The following TRHDE variants were observed in gnomAD, a reference collection of about 807,000 sequenced individuals.
TRHDE encodes the protein thyrotropin releasing hormone degrading enzyme.
A neutral mutation model predicts 125.7 loss-of-function variants in TRHDE; 72 were observed. That is an observed-to-expected ratio of 0.57 (90% CI 0.47 to 0.70). The LOEUF is 0.70. Ranked by LOEUF, TRHDE falls within the 30% of genes least tolerant of loss-of-function variation. The pLI is 0.00. For synonymous variants in TRHDE, 509 were observed against 509.1 expected, an observed-to-expected ratio of 1.00 and a Z score of 0.00; for missense variants, 1,110 against 1,327.1, an observed-to-expected ratio of 0.84 and a Z score of 2.54.
intron 12 of TRHDE, among the ~76,000 whole-genome samples, chr12:72,580,579 T>C (rs1871179505): frequency 6.6e-6 from 1 of 152,158 alleles, no homozygotes; most frequent in South Asian, 2.1e-4. Flanking sequence ...GTAGCTGGGA[T>C]TACAGGCACC....
chr12:72,233,762 GATAA>G (rs1878290671), intron 2 of TRHDE, among the ~76,000 whole-genome samples: 2 of 152,122 alleles, frequency 1.3e-5, no homozygotes, highest in Non-Finnish European at 2.9e-5. Flanking sequence ...GCAGCCTCTA[GATAA>G]ATAAAAACTC....
At chr12:72,610,517 A>T (rs1453013263) in intron 12 of TRHDE, among the ~76,000 whole-genome samples, 8 of 152,132 alleles carry the variant, frequency 5.3e-5, no homozygotes, top group Non-Finnish European at 4.4e-5. Context: ...CCCAGCTCAA[A>T]AACTTGCGGT....
chr12:72,231,793 A>G (rs1878251527), intron 2 of TRHDE, among the ~76,000 whole-genome samples: 1 of 152,122 alleles, frequency 6.6e-6, no homozygotes, highest in East Asian at 1.9e-4. Context: ...GGACAACTGG[A>G]GTTAGGCTAT....
chr12:72,371,013 G>A (rs1445632764), intron 2 of TRHDE, among the ~76,000 whole-genome samples: 1 of 152,086 alleles, frequency 6.6e-6, no homozygotes. Context: ...CCAAATTGCT[G>A]GGATTACAGG....
At chr12:72,303,083 G>C (rs1478527232) in intron 2 of TRHDE, 2 of 152,120 alleles carry the variant, frequency 1.3e-5, no homozygotes, top group Non-Finnish European at 2.9e-5. Flanking sequence ...GAGGTGTGCA[G>C]CCCATTTGGA....
Position 72,556,443 on chromosome 12 carries a change from G to T in TRHDE, c.1789-5722G>T, listed in dbSNP as rs181822075. On this transcript the variant is annotated intron_variant, in intron 7 of 18. Coordinates refer to ENST00000261180, the MANE Select transcript of TRHDE (RefSeq NM_013381.3). ...GAGATGTAGCCAAGGTTATGCCACA[G>T]GAGTGAAGGTTTAGCTGTTCCCATT... Among the ~76,000 whole-genome samples, 1,438 of 152,324 alleles carry T rather than the reference G, an allele frequency of 9.4e-3. 27 individuals carry two copies. Among genetic ancestry groups the T allele is most frequent in the African/African-American group, 0.033 (1,386 of 41,568 alleles).
At chr12:72,597,762 T>TACACATACATAC (rs1555200906) in intron 12 of TRHDE, among the ~76,000 whole-genome samples, 4 of 80,682 alleles carry the variant, frequency 5.0e-5, no homozygotes. Flanking sequence ...TATATATGCA[T>TACACATACATAC]ACACACACAA....
chr12:72,209,447 C>T (rs1877731986), intron 2 of TRHDE, among the ~76,000 whole-genome samples: 1 of 152,176 alleles, frequency 6.6e-6, no homozygotes. Context: ...AAGGAACAAA[C>T]CCTATGTGAA....
At chr12:72,125,117 G>A (rs1385813855) in intron 2 of TRHDE, among the ~76,000 whole-genome samples, 1 of 151,900 alleles carries the variant, frequency 6.6e-6, no homozygotes, top group Non-Finnish European at 1.5e-5. Flanking sequence ...AAATAAAATT[G>A]ACTTGTAATT....
intron 2 of TRHDE, among the ~76,000 whole-genome samples, chr12:72,293,105 G>A (rs986307750): frequency 6.6e-6 from 1 of 152,066 alleles, no homozygotes; most frequent in Non-Finnish European, 1.5e-5. Flanking sequence ...CTCAGCTGGG[G>A]CTGTCATCTG....
chr12:72,640,365 G>A (rs1052759782), intron 15 of TRHDE, among the ~76,000 whole-genome samples: 12 of 152,204 alleles, frequency 7.9e-5, no homozygotes, highest in Admixed American at 3.3e-4. Context: ...GCTTTGGCTC[G>A]CGCACGGTGC....
chr12:72,482,064 T>G (rs1468788325), intron 5 of TRHDE, among the ~76,000 whole-genome samples: 2 of 151,988 alleles, frequency 1.3e-5, no homozygotes, highest in Non-Finnish European at 2.9e-5. Context: ...CTCTATTCAC[T>G]CATATATTTC....
chr12:72,589,917 C>G (rs1416139355), intron 12 of TRHDE, among the ~76,000 whole-genome samples: 4 of 151,758 alleles, frequency 2.6e-5, no homozygotes, highest in Non-Finnish European at 5.9e-5. Context: ...TTGTTTACTT[C>G]TGTCTGCTTA....
At chr12:72,402,754 A>G (rs986011206) in intron 3 of TRHDE, among the ~76,000 whole-genome samples, 1 of 152,150 alleles carries the variant, frequency 6.6e-6, no homozygotes, top group Non-Finnish European at 1.5e-5. Context: ...TAGATTTCTT[A>G]TGAAATAGCC....
chr12:72,612,674 G>T (rs7309651), intron 12 of TRHDE, among the ~76,000 whole-genome samples: 1 of 151,646 alleles, frequency 6.6e-6, no homozygotes, highest in Non-Finnish European at 1.5e-5. Context: ...AATTTAGACC[G>T]TCTTTTCATA....
At position 72,295,681 on chromosome 12, in the gene TRHDE, G is replaced by A. The variant is rs547375744; in HGVS notation, c.1188+8727G>A. ...TCTAGATGTGATATTCTGTATATAC[G>A]CTTAAAACACAGGACTCTTCTGTGA... On this transcript the variant is annotated intron_variant, in intron 2 of 18. Coordinates refer to ENST00000261180, the MANE Select transcript of TRHDE (RefSeq NM_013381.3). Among the ~76,000 whole-genome samples the A allele has an allele frequency of 1.3e-4, 20 of 152,146 alleles. No individual in the cohort carries two copies. In the East Asian group the frequency reaches 1.9e-3, roughly 15 times the overall value.
chr12:72,388,576 A>G (rs1872520325), intron 3 of TRHDE, among the ~76,000 whole-genome samples: 1 of 152,230 alleles, frequency 6.6e-6, no homozygotes, highest in African/African-American at 2.4e-5. Flanking sequence ...GCAAAGCTTC[A>G]GCTGCTGTGT....
intron 2 of TRHDE, among the ~76,000 whole-genome samples, chr12:72,164,789 C>T (rs1323789257): frequency 2.6e-5 from 4 of 152,176 alleles, no homozygotes; most frequent in African/African-American, 7.2e-5. Context: ...ACCCAAAACT[C>T]GGGGCCTCAA....
chr12:72,340,949 C>A (rs559435724), intron 2 of TRHDE, among the ~76,000 whole-genome samples: 1 of 152,062 alleles, frequency 6.6e-6, no homozygotes. Flanking sequence ...TTGTTAGATA[C>A]GGGAGTGGGC....
Sources: gnomAD v4.1 joint callset for allele counts (sites outside exome capture counted in the v4.1 genomes callset) on GRCh38, gnomAD v4.1.1 for gene constraint, MANE v1.5 for transcripts, NCBI Gene and HGNC (gene_info 2026-07-23, HGNC 2026-07-21) for gene names.